Variants in KIAA0319L observed in about 807,000 individuals in gnomAD.
KIAA0319L encodes the protein KIAA0319 like.
A neutral mutation model predicts 120.1 loss-of-function variants in KIAA0319L; 55 were observed. That is an observed-to-expected ratio of 0.46 (90% confidence interval 0.37 to 0.57). The LOEUF (loss-of-function observed/expected upper bound fraction) is 0.57, where lower values mean the gene tolerates loss of function less well. KIAA0319L is among the 20% of genes least tolerant of loss of function. The probability of loss-of-function intolerance (pLI) is 0.00; values close to 1 mark genes in which losing one functional copy is unlikely to be tolerated. For synonymous variants in KIAA0319L, 398 were observed against 471.9 expected, an observed-to-expected ratio of 0.84 and a Z score of 2.03; for missense variants, 1,049 against 1,255.3, an observed-to-expected ratio of 0.84 and a Z score of 2.48.
intron 15 of KIAA0319L, among the ~76,000 whole-genome samples, chr1:35,448,616 G>C (rs1436443455): frequency 6.6e-6 from 1 of 152,176 alleles, no homozygotes; most frequent in Non-Finnish European, 1.5e-5. Context: ...GACGGGAGTG[G>C]GGAAGAGAGA....
Position 35,449,991 on chromosome 1 carries a change from G to A in KIAA0319L, c.2229C>T (p.His743=), listed in dbSNP as rs182472490. 1.2e-6 allele frequency: 2 copies of A among 1,614,194 alleles called. No individual in the cohort carries two copies. Among genetic ancestry groups the A allele is most frequent in the Admixed American group, 3.3e-5 (2 of 60,034 alleles). Reference sequence around the variant, plus strand: ...GAAAAAGGATAGGGTGATGGTCAGAGTGATTTAACACCTCCTGTAGGGTTG... The same window carrying A: ...GAAAAAGGATAGGGTGATGGTCAGAATGATTTAACACCTCCTGTAGGGTTG... The part of the protein sequence containing the change: ...GSPAAGEVLN[H]SDHHPILFLS... Residue 743 remains histidine, a synonymous_variant, in exon 15 of 21, where the codon CAC becomes CAT. Coordinates refer to ENST00000325722, the MANE Select transcript of KIAA0319L (RefSeq NM_024874.5).
In KIAA0319L at chr1:35,506,647, C is replaced by G; in HGVS notation, c.631G>C (p.Glu211Gln). 6.2e-7 allele frequency: 1 copy of G among 1,613,980 alleles called. No homozygotes were observed. Among genetic ancestry groups the G allele is most frequent in the Non-Finnish European group, 8.5e-7 (1 of 1,179,912 alleles). Reference sequence around the variant, plus strand: ...CCACTGGTAGTCAGACCACCTAATTCGTTGGAGTCATTCACTTTAGAATGC... The same window carrying G: ...CCACTGGTAGTCAGACCACCTAATTGGTTGGAGTCATTCACTTTAGAATGC... ...TQHSKVNDSN[E>Q]LGGLTTSGSA... The change falls in exon 3 of 21, where the codon GAA becomes CAA. Residue 211 changes from glutamate to glutamine, a missense_variant. By Grantham distance (29) the Glu-to-Gln change is conservative. Transcript: ENST00000325722. This position sits in a 1 kb window ranked among gnomAD's most constrained non-coding sequence, Gnocchi z 4.0.
At chr1:35,495,321 C>T (rs1195922280) in intron 3 of KIAA0319L, among the ~76,000 whole-genome samples, 1 of 152,106 alleles carries the variant, frequency 6.6e-6, no homozygotes, top group East Asian at 1.9e-4. Context: ...TGCAGTGAGC[C>T]GAGATCATGC....
At position 35,441,044 on chromosome 1, in the gene KIAA0319L, T is replaced by C. The variant is rs952600329; in HGVS notation, c.2962+3A>G. ...TAGAAGCTCTGGCACCCAGGGCCCC[T>C]ACCTGCTCGGGAGGTTGGCTTCAGC... On this transcript the variant is annotated splice_donor_region_variant and intron_variant, in intron 20 of 20. Transcript: ENST00000325722. 6 of 1,613,198 alleles carry C rather than the reference T, an allele frequency of 3.7e-6. No individual in the cohort carries two copies. The highest frequency in any genetic ancestry group is 4.2e-6 in the Non-Finnish European group (5 of 1,179,204).
chr1:35,436,662 AAAC>A (rs1288479226), intron 20 of KIAA0319L, among the ~76,000 whole-genome samples: 1 of 152,204 alleles, frequency 6.6e-6, no homozygotes, highest in African/African-American at 2.4e-5. Context: ...TAGAAAACAA[AAAC>A]AACAACAAAA....
chr1:35,443,151 G>C, intron 17 of KIAA0319L, 123 bp from the exon 18 acceptor site: 1 of 1,175,728 alleles, frequency 8.5e-7, no homozygotes, highest in Non-Finnish European at 1.2e-6. Context: ...ATGTCCTCGA[G>C]ACCCACCTTG....
intron 2 of KIAA0319L, chr1:35,510,619 TTTA>T (rs991683387): frequency 3.0e-4 from 43 of 141,372 alleles, no homozygotes; most frequent in Admixed American, 7.3e-4. Flanking sequence ...TATTTATTTA[TTTA>T]TTTAGAGACA....
intron 6 of KIAA0319L, among the ~76,000 whole-genome samples, chr1:35,470,300 C>T (rs1643536135): frequency 6.6e-6 from 1 of 151,874 alleles, no homozygotes; most frequent in Non-Finnish European, 1.5e-5. Flanking sequence ...CAAGACCAGC[C>T]TGGGCAATAT....
At chr1:35,474,675 C>T (rs1643836859) in intron 5 of KIAA0319L, 130 bp downstream of exon 5, 1 of 574,530 alleles carries the variant, frequency 1.7e-6, no homozygotes, top group Non-Finnish European at 3.1e-6. Context: ...CCAGTAGTTC[C>T]AGCTACTAGG....
chr1:35,455,821 C>T (rs1474105312), intron 10 of KIAA0319L, among the ~76,000 whole-genome samples, 192 bp downstream of exon 10: 5 of 151,958 alleles, frequency 3.3e-5, no homozygotes, highest in South Asian at 2.1e-4. Context: ...CCTCATGATC[C>T]GCCCGCCTCA....
intron 3 of KIAA0319L, among the ~76,000 whole-genome samples, chr1:35,495,180 C>T (rs918128235): frequency 1.3e-5 from 2 of 152,070 alleles, no homozygotes; most frequent in Non-Finnish European, 2.9e-5. Context: ...TGAGACCAGC[C>T]TGGCCAACAT....
chr1:35,476,720 C>T lies in KIAA0319L; in HGVS notation c.914-1814G>A, dbSNP rs16866280. Among the ~76,000 whole-genome samples the T allele has an allele frequency of 1.4e-3, 206 of 152,314 alleles. 3 individuals carry two copies. In the South Asian group the frequency reaches 0.014, roughly 10 times the overall value. ...ACACCAAAAATTACAGGCATCTTGA[C>T]TGGATACAAAAATTACTTTGGTGCC... On this transcript the variant is annotated intron_variant, in intron 4 of 20. Transcript: ENST00000325722.
intron 4 of KIAA0319L, among the ~76,000 whole-genome samples, chr1:35,477,987 T>C (rs1396286069): frequency 3.9e-5 from 6 of 152,188 alleles, no homozygotes; most frequent in African/African-American, 9.7e-5. Flanking sequence ...AGCCAAACTT[T>C]GGAAGCAACC....
At chr1:35,498,749 C>T (rs1208741031) in intron 3 of KIAA0319L, among the ~76,000 whole-genome samples, 1 of 152,184 alleles carries the variant, frequency 6.6e-6, no homozygotes, top group Non-Finnish European at 1.5e-5. Context: ...TAATCACAAT[C>T]CATATAGGGG....
chr1:35,479,393 T>C (rs1386100151), intron 3 of KIAA0319L, among the ~76,000 whole-genome samples, 181 bp from the exon 4 acceptor site: 1 of 152,080 alleles, frequency 6.6e-6, no homozygotes, highest in African/African-American at 2.4e-5. Flanking sequence ...AAATCTTGAG[T>C]TTTTTTCCTA....
intron 2 of KIAA0319L, among the ~76,000 whole-genome samples, chr1:35,508,901 C>T (rs549750706): frequency 9.9e-5 from 15 of 152,164 alleles, no homozygotes; most frequent in Admixed American, 2.6e-4. Context: ...TTTAAAAATG[C>T]AATACAACTT....
chr1:35,520,725 C>A (rs1009117139), intron 2 of KIAA0319L, among the ~76,000 whole-genome samples: 1 of 152,126 alleles, frequency 6.6e-6, no homozygotes, highest in Non-Finnish European at 1.5e-5. Flanking sequence ...TAGCTATTAT[C>A]CTCATCTTTT....
At position 35,463,037 on chromosome 1, in the gene KIAA0319L, C is replaced by G. The variant is rs182033824; in HGVS notation, c.1202-324G>C. ...CTCCTGTGAGAATCTAATGCCATCA[C>G]TGATCTGACAGGAGGCAGAGCTCAG... On this transcript the variant is annotated intron_variant, in intron 7 of 20. Coordinates refer to ENST00000325722, the MANE Select transcript of KIAA0319L (RefSeq NM_024874.5). Among the ~76,000 whole-genome samples, 524 of 152,314 alleles carry G rather than the reference C, an allele frequency of 3.4e-3. 2 individuals are homozygous for G. The highest frequency in any genetic ancestry group is 4.8e-3 in the Non-Finnish European group (326 of 68,034).
In KIAA0319L at chr1:35,479,155, A is replaced by G; in HGVS notation, c.724T>C (p.Ser242Pro). The G allele has an allele frequency of 6.8e-6, 11 of 1,614,044 alleles. No homozygotes were observed. The highest frequency in any genetic ancestry group is 9.3e-6 in the Non-Finnish European group (11 of 1,179,926). ...ACTGATACATTCTTTGGCCCACCAG[A>G]CAGCTCTGCAGTCAGGTCTGTGGTT... is the stretch of plus-strand genomic sequence containing the variant. ...PLTTDLTAEL[S>P]GGPKNVSVQP... Residue 242 changes from serine (S) to proline (P), a missense_variant, in exon 4 of 21, where the codon TCT (serine) becomes CCT (proline). By Grantham distance (74) the Ser-to-Pro change is moderately conservative. Coordinates refer to ENST00000325722, the MANE Select transcript of KIAA0319L (RefSeq NM_024874.5).
Sources: gnomAD v4.1 joint callset for allele counts (sites outside exome capture counted in the v4.1 genomes callset) on GRCh38, gnomAD v4.1.1 for gene constraint, Gnocchi (gnomAD v3.1) non-coding constraint, MANE v1.5 for transcripts, NCBI Gene and HGNC (gene_info 2026-07-23, HGNC 2026-07-21) for gene names.